Variants in MAML1 observed in about 807,000 individuals in gnomAD.
MAML1 encodes the protein mastermind like transcriptional coactivator 1.
Under a neutral mutation model 77.1 loss-of-function variants are expected in MAML1, and 14 were observed. The observed-to-expected ratio is 0.18, with a 90% CI of 0.12 to 0.28. MAML1 has a LOEUF of 0.28. Ranked by LOEUF, MAML1 falls within the 10% of genes least tolerant of loss-of-function variation. MAML1 has a pLI of 1.00. For synonymous variants in MAML1, 516 were observed against 551.9 expected (o/e 0.93, Z 0.91); for missense variants, 1,217 against 1,327.8 (o/e 0.92, Z 1.30).
At chr5:179,770,401 C>G (rs555411634) in intron 3 of MAML1, among the ~76,000 whole-genome samples, 1 of 151,934 alleles carries the variant, frequency 6.6e-6, no homozygotes, top group South Asian at 2.1e-4. Flanking sequence ...GAGCAGAGAT[C>G]GCGCCACTGC....
rs368248614 is a variant in MAML1 at position 179,766,244 on chromosome 5, C to T, written c.1234C>T (p.Leu412Phe). 1 of 1,613,816 alleles carries T rather than the reference C, an allele frequency of 6.2e-7. No individual in the cohort carries two copies. Among genetic ancestry groups the T allele is most frequent in the African/African-American group, 1.3e-5 (1 of 74,956 alleles). The change falls in exon 2 of 5, where the codon CTC becomes TTC. Residue 412 changes from leucine to phenylalanine, a missense_variant. Transcript: ENST00000292599. The surrounding 1 kb of genome is among the most constrained non-coding windows in gnomAD (Gnocchi z 4.0). The stretch of plus-strand genomic sequence containing the variant: ...TGCCAAGCAGAAGCGCGAGCAGATG[C>T]TCCAGAACCCACAGCAGGCCACCCC... ...IAAKQKREQM[L>F]QNPQQATPAP...
In MAML1 at chr5:179,768,914, C is replaced by T; in HGVS notation, c.1796C>T (p.Ala599Val). The T allele has an allele frequency of 6.2e-7, 1 of 1,614,184 alleles. No individual in the cohort carries two copies. ...ACCAGTGTTGGGACCCAGCCGCCTGCCGTGTCCGTGGCCAGCTCCCACAAC... is the reference window on the plus strand; with the variant it reads ...ACCAGTGTTGGGACCCAGCCGCCTGTCGTGTCCGTGGCCAGCTCCCACAAC... ...QATSVGTQPP[A>V]VSVASSHNSS... is the part of the protein sequence containing the mutation. Residue 599 changes from alanine to valine, a missense_variant, in exon 3 of 5, where the codon GCC becomes GTC. By Grantham distance (64) the Ala-to-Val change is moderately conservative. Around this residue, in one of 3 missense-constraint regions of MAML1, gnomAD observed 884 missense variants for 949.3 expected, o/e 0.93. Transcript: ENST00000292599.
chr5:179,753,049 A>T (rs533774628), intron 1 of MAML1, among the ~76,000 whole-genome samples: 1 of 152,334 alleles, frequency 6.6e-6, no homozygotes, highest in South Asian at 2.1e-4. Flanking sequence ...CTGGGATTAC[A>T]GGCGTGAACC....
At chr5:179,755,105 A>G (rs941348821) in intron 1 of MAML1, among the ~76,000 whole-genome samples, 7 of 152,228 alleles carry the variant, frequency 4.6e-5, no homozygotes, top group Non-Finnish European at 8.8e-5. Flanking sequence ...CTGTGTCCAA[A>G]TCCTGGTTCA....
At chr5:179,740,619 T>G (rs1278519420) in intron 1 of MAML1, among the ~76,000 whole-genome samples, 2 of 152,068 alleles carry the variant, frequency 1.3e-5, no homozygotes, top group Non-Finnish European at 2.9e-5. Context: ...AGGTGGAGGA[T>G]GCCTGGGGTT....
chr5:179,761,849 C>T (rs1195624716), intron 1 of MAML1, among the ~76,000 whole-genome samples: 1 of 152,160 alleles, frequency 6.6e-6, no homozygotes, highest in Non-Finnish European at 1.5e-5. Context: ...TTCTCAACTC[C>T]TCCCTTCCTT....
At chr5:179,733,524 G>C (rs1394024456) in intron 1 of MAML1, 97 bp downstream of exon 1, 10 of 942,050 alleles carry the variant, frequency 1.1e-5, no homozygotes, top group Non-Finnish European at 1.3e-5. Context: ...GACTTCCCCA[G>C]GCGTCCGCGA....
At chr5:179,744,929 C>T (rs1009196610) in intron 1 of MAML1, among the ~76,000 whole-genome samples, 3 of 149,828 alleles carry the variant, frequency 2.0e-5, no homozygotes, top group East Asian at 2.0e-4. Context: ...TGAGACTGAG[C>T]CTTGCTCTGT....
chr5:179,734,742 ATCCTCCCGCCTCAGCCTCCTCAG>A (rs895088906), intron 1 of MAML1, among the ~76,000 whole-genome samples: 4 of 151,704 alleles, frequency 2.6e-5, no homozygotes, highest in African/African-American at 4.8e-5. Flanking sequence ...AGACTCCTCA[ATCCTCCCGCCTCAGCCTCCTCAG>A]TCCTCCCGCC....
intron 4 of MAML1, among the ~76,000 whole-genome samples, chr5:179,773,398 G>A (rs1011681194): frequency 6.6e-6 from 1 of 152,250 alleles, no homozygotes; most frequent in African/African-American, 2.4e-5. Context: ...CTAAACTTCT[G>A]TGCTTTTAAA....
rs370599778 is a variant in MAML1, at chr5:179,741,542, C to T, written c.315+8115C>T. Among the ~76,000 whole-genome samples, 25 of 152,006 alleles carry T rather than the reference C, an allele frequency of 1.6e-4. No homozygotes were observed. The South Asian group carries it at 3.3e-3, about 20-fold the overall frequency. On this transcript the variant is annotated intron_variant, in intron 1 of 4. Coordinates refer to ENST00000292599, the MANE Select transcript of MAML1 (RefSeq NM_014757.5). Reference sequence around the variant, plus strand: ...TCTGGTAAAAAATACAAAAATTAGCCGGGCACGGTAGCATACACCTGTAAT... The same window carrying T: ...TCTGGTAAAAAATACAAAAATTAGCTGGGCACGGTAGCATACACCTGTAAT...
intron 4 of MAML1, among the ~76,000 whole-genome samples, chr5:179,772,868 C>T (rs1756034043): frequency 6.6e-6 from 1 of 152,142 alleles, no homozygotes; most frequent in Non-Finnish European, 1.5e-5. Flanking sequence ...TCAGTCCAGC[C>T]ACTCTTGGGC....
chr5:179,745,814 C>T (rs191950838), intron 1 of MAML1, among the ~76,000 whole-genome samples: 1,927 of 129,738 alleles, frequency 0.015, 36 homozygotes, highest in African/African-American at 0.05. Context: ...GAGCCGAGAT[C>T]GTGCCACTGC....
intron 4 of MAML1, chr5:179,773,677 C>A: frequency 1.1e-6 from 1 of 918,492 alleles, no homozygotes; most frequent in Non-Finnish European, 1.3e-6. Flanking sequence ...GGTTTTCTCT[C>A]CCCTGGGGCT....
At position 179,769,846 on chromosome 5, in the gene MAML1, C is replaced by T. The variant is rs941114401; in HGVS notation, c.1971+757C>T. Among the ~76,000 whole-genome samples the T allele has an allele frequency of 6.6e-6, 1 of 152,132 alleles. No homozygotes were observed. The highest frequency in any genetic ancestry group is 2.4e-5 in the African/African-American group (1 of 41,430). On this transcript the variant is annotated intron_variant, in intron 3 of 4. Transcript: ENST00000292599. This position sits in a 1 kb window ranked among gnomAD's most constrained non-coding sequence, Gnocchi z 4.2. The stretch of plus-strand genomic sequence containing the variant: ...GAGATTACAGGCGTGAGCCACCACG[C>T]CTGGCCTTAAATTACATCTTTAAGA...
At chr5:179,772,327 C>G (rs558523810) in intron 4 of MAML1, among the ~76,000 whole-genome samples, 1 of 152,170 alleles carries the variant, frequency 6.6e-6, no homozygotes, top group Non-Finnish European at 1.5e-5. Flanking sequence ...CCATGTTAGC[C>G]AGGCTGATCT....
intron 1 of MAML1, among the ~76,000 whole-genome samples, chr5:179,760,436 C>T (rs1779704617): frequency 6.6e-6 from 1 of 151,952 alleles, no homozygotes; most frequent in African/African-American, 2.4e-5. Flanking sequence ...GTGCAGAGGC[C>T]CCAGGCAGCA....
At chr5:179,749,819 A>T (rs1334861610) in intron 1 of MAML1, among the ~76,000 whole-genome samples, 4 of 152,146 alleles carry the variant, frequency 2.6e-5, no homozygotes, top group East Asian at 1.9e-4. Context: ...AAGGCAGGCC[A>T]TGGTGAGCTT....
Position 179,733,028 on chromosome 5 carries a change from G to T in MAML1, c.-85G>T. ...GCATGGCGCGGCCGTGAGGCGGAGAGGGGTAGCCGCGGGGAGCGAAGCCCG... is the reference window on the plus strand; with the variant it reads ...GCATGGCGCGGCCGTGAGGCGGAGATGGGTAGCCGCGGGGAGCGAAGCCCG... On this transcript the variant is annotated 5_prime_UTR_variant, in exon 1 of 5. In the 5' UTR this introduces an upstream ATG that the reference lacks. Coordinates refer to ENST00000292599, the MANE Select transcript of MAML1 (RefSeq NM_014757.5). 1.2e-6 allele frequency: 1 copy of T among 857,646 alleles called. No individual in the cohort carries two copies. Among genetic ancestry groups the T allele is most frequent in the Non-Finnish European group, 1.5e-6 (1 of 653,614 alleles). The allele number at this position is 857,646 out of a possible 1,614,324, so 53.1% of individuals were successfully genotyped here.
Sources: gnomAD v4.1 joint callset for allele counts (sites outside exome capture counted in the v4.1 genomes callset) on GRCh38, gnomAD v4.1.1 for gene constraint, gnomAD v4.1.1 regional missense constraint, Gnocchi (gnomAD v3.1) non-coding constraint, MANE v1.5 for transcripts, NCBI Gene and HGNC (gene_info 2026-07-23, HGNC 2026-07-21) for gene names.